The following PAK5 variants were observed in gnomAD, a reference collection of about 807,000 sequenced individuals.
The protein encoded by PAK5 is p21 (RAC1) activated kinase 5.
PAK5 carries 16 observed loss-of-function variants against 65.9 expected under a neutral mutation model. The ratio of observed to expected loss-of-function variants is 0.24; its 90% CI spans 0.16 to 0.37. The LOEUF (loss-of-function observed/expected upper bound fraction) is 0.37. PAK5 is among the 10% of genes least tolerant of loss of function. PAK5 has a pLI of 1.00. For missense variants in PAK5, 785 were observed against 903.9 expected (o/e 0.87, Z 1.69); for synonymous variants, 371 against 354.9 (o/e 1.05, Z -0.51).
chr20:9,636,058 G>A (rs893959767), intron 3 of PAK5, among the ~76,000 whole-genome samples: 1 of 152,188 alleles, frequency 6.6e-6, no homozygotes, highest in African/African-American at 2.4e-5. Context: ...GACCACATCA[G>A]TTATGCGTAA....
chr20:9,552,125 T>A (rs2045438032), intron 7 of PAK5, among the ~76,000 whole-genome samples: 1 of 152,210 alleles, frequency 6.6e-6, no homozygotes, highest in African/African-American at 2.4e-5. Flanking sequence ...AAGACAGGAA[T>A]CTGACATTTT....
intron 1 of PAK5, among the ~76,000 whole-genome samples, chr20:9,766,522 A>AATAT (rs74209304): frequency 0.011 from 384 of 34,798 alleles, 62 homozygotes; most frequent in Non-Finnish European, 0.016. Flanking sequence ...ATTCAAGCAG[A>AATAT]ATATATATAT....
chr20:9,778,875 T>A lies in PAK5; in HGVS notation c.-162+59887A>T, dbSNP rs139257576. Among the ~76,000 whole-genome samples the A allele has an allele frequency of 3.3e-4, 51 of 152,330 alleles. No homozygotes were observed. In the East Asian group the frequency reaches 9.5e-3, roughly 28 times the overall value. On this transcript the variant is annotated intron_variant, in intron 1 of 9. Coordinates refer to ENST00000353224, the MANE Select transcript of PAK5 (RefSeq NM_177990.4). The stretch of plus-strand genomic sequence containing the variant: ...ACGTAAGTTGAGGTAGAGAACATTT[T>A]GAGCCCCTCTAAACCCTCAGAATAT...
intron 1 of PAK5, among the ~76,000 whole-genome samples, chr20:9,715,179 G>T (rs1160959334): frequency 1.3e-5 from 2 of 152,020 alleles, no homozygotes; most frequent in African/African-American, 4.8e-5. Flanking sequence ...AATCTACAAA[G>T]AACTCAAACA....
At chr20:9,768,787 T>G (rs866157100) in intron 1 of PAK5, among the ~76,000 whole-genome samples, 700 of 66,078 alleles carry the variant, frequency 0.011, 9 homozygotes, top group African/African-American at 0.043. Context: ...CGAGACTCCA[T>G]CGCAAAAAAA....
intron 3 of PAK5, among the ~76,000 whole-genome samples, chr20:9,597,181 G>C (rs1053378779): frequency 2.6e-5 from 4 of 152,152 alleles, no homozygotes; most frequent in African/African-American, 9.7e-5. Context: ...CCTTGCTGGG[G>C]CTATGGTCCT....
At chr20:9,786,573 A>G (rs1259990532) in intron 1 of PAK5, among the ~76,000 whole-genome samples, 2 of 152,170 alleles carry the variant, frequency 1.3e-5, no homozygotes, top group African/African-American at 4.8e-5. Flanking sequence ...AGCCTGATCA[A>G]TTTTGATAAA....
chr20:9,634,725 G>T (rs569977775), intron 3 of PAK5, among the ~76,000 whole-genome samples: 1 of 151,992 alleles, frequency 6.6e-6, no homozygotes, highest in African/African-American at 2.4e-5. Flanking sequence ...CTTTTATTTG[G>T]AAACAAGATT....
rs77711098 is a variant in PAK5, at chr20:9,614,215, C to T, written c.204+29910G>A. Among the ~76,000 whole-genome samples the T allele has an allele frequency of 7.3e-3, 1,114 of 152,244 alleles. 11 individuals carry two copies. Among genetic ancestry groups the T allele is most frequent in the African/African-American group, 0.024 (1,017 of 41,526 alleles). Reference sequence around the variant, plus strand: ...ACACTAACAAATGAAGGATGCTTCTCACGGGCTCATTAGTAGGCTGGGCAC... The same window carrying T: ...ACACTAACAAATGAAGGATGCTTCTTACGGGCTCATTAGTAGGCTGGGCAC... On this transcript the variant is annotated intron_variant, in intron 3 of 9. Transcript: ENST00000353224.
chr20:9,822,822 G>C (rs192113216), intron 1 of PAK5, among the ~76,000 whole-genome samples: 2 of 152,304 alleles, frequency 1.3e-5, no homozygotes, highest in South Asian at 2.1e-4. Flanking sequence ...CATTCTCTGG[G>C]AACAGCCTTC....
At chr20:9,793,399 A>G (rs1358675441) in intron 1 of PAK5, among the ~76,000 whole-genome samples, 3 of 152,182 alleles carry the variant, frequency 2.0e-5, no homozygotes, top group Admixed American at 6.5e-5. Flanking sequence ...TAGGTTACCT[A>G]TAGGTTGGTC....
intron 2 of PAK5, among the ~76,000 whole-genome samples, chr20:9,679,836 A>G (rs986320656): frequency 5.3e-5 from 8 of 152,212 alleles, no homozygotes; most frequent in African/African-American, 1.9e-4. Context: ...TCCAGGCAAA[A>G]TTGTGATGGA....
At chr20:9,813,975 A>G (rs1190264475) in intron 1 of PAK5, among the ~76,000 whole-genome samples, 2 of 152,216 alleles carry the variant, frequency 1.3e-5, no homozygotes, top group Admixed American at 1.3e-4. Flanking sequence ...ATGATAGGAT[A>G]GAGATTAACT....
At chr20:9,810,371 G>A (rs1006719999) in intron 1 of PAK5, among the ~76,000 whole-genome samples, 2 of 152,156 alleles carry the variant, frequency 1.3e-5, no homozygotes, top group Non-Finnish European at 2.9e-5. Flanking sequence ...CCAGGAGTTT[G>A]AGAACAGCCT....
chr20:9,602,343 ATAAAC>A (rs2046376979), intron 3 of PAK5, among the ~76,000 whole-genome samples: 1 of 151,490 alleles, frequency 6.6e-6, no homozygotes, highest in Non-Finnish European at 1.5e-5. Flanking sequence ...AATAAATAAA[ATAAAC>A]TCCAGTAATG....
intron 2 of PAK5, among the ~76,000 whole-genome samples, chr20:9,676,578 AT>A (rs1209683551): frequency 6.6e-6 from 1 of 152,196 alleles, no homozygotes; most frequent in African/African-American, 2.4e-5. Context: ...GCTGGAAAAC[AT>A]GGTTGGGAAG....
intron 2 of PAK5, among the ~76,000 whole-genome samples, chr20:9,654,423 AG>A (rs914035126): frequency 4.5e-4 from 68 of 152,302 alleles, no homozygotes; most frequent in African/African-American, 1.6e-3. Flanking sequence ...TTCAGGGATG[AG>A]GATGATGACG....
intron 1 of PAK5, among the ~76,000 whole-genome samples, chr20:9,773,241 T>A (rs1411588244): frequency 1.3e-5 from 2 of 152,202 alleles, no homozygotes; most frequent in African/African-American, 4.8e-5. Flanking sequence ...AAGTTCTTTT[T>A]TTTAATTATC....
At chr20:9,705,231 T>G in intron 2 of PAK5, among the ~76,000 whole-genome samples, 1 of 137,356 alleles carries the variant, frequency 7.3e-6, no homozygotes, top group Non-Finnish European at 1.6e-5. Context: ...AAATGAGATG[T>G]GTCTAATTAA....
Sources: allele counts gnomAD v4.1 joint callset (sites outside exome capture counted in the v4.1 genomes callset), GRCh38; gene constraint gnomAD v4.1.1; transcripts MANE v1.5; gene names NCBI Gene and HGNC (gene_info 2026-07-23, HGNC 2026-07-21).